COL4A6: variants seen among roughly 807,000 people sequenced by gnomAD.
COL4A6 encodes collagen type IV alpha 6 chain, also known as collagen alpha-6(IV) chain.
Under a neutral mutation model 126.7 loss-of-function variants are expected in COL4A6, and 59 were observed. The ratio of observed to expected loss-of-function variants is 0.47; its 90% CI spans 0.38 to 0.58. COL4A6 has a LOEUF of 0.58. Ranked by LOEUF, COL4A6 falls within the 20% of genes least tolerant of loss-of-function variation. The probability of loss-of-function intolerance (pLI) is 0.00; values close to 1 mark genes in which losing one functional copy is unlikely to be tolerated. For synonymous variants in COL4A6, 547 were observed against 496.6 expected, an observed-to-expected ratio of 1.10 and a Z score of -1.35; for missense variants, 1,285 against 1,337.3, an observed-to-expected ratio of 0.96 and a Z score of 0.61.
intron 18 of COL4A6, 126 bp from the exon 19 acceptor site, chrX:108,191,659 T>C: frequency 1.2e-6 from 1 of 811,761 alleles, no homozygotes; most frequent in Non-Finnish European, 1.7e-6. Context: ...CCTTCTCTTG[T>C]ATCAGAGTTA....
In COL4A6 at chrX:108,165,599, A is replaced by C; in HGVS notation, c.3692-113T>G. 1.3e-5 allele frequency: 6 copies of C among 469,808 alleles called. No individual in the cohort carries two copies. In the South Asian group the frequency reaches 2.6e-4, roughly 21 times the overall value. 38.7% of individuals were successfully genotyped at this position (469,808 alleles called of 1,213,427 possible). ...GAGAAAATGGAAGCAGTTAGGTAGG[A>C]GCCAGACCAGAGAACGCCAGCAGAG... On this transcript the variant is annotated intron_variant, in intron 37 of 44. Transcript: ENST00000334504.
intron 2 of COL4A6, among the ~76,000 whole-genome samples, chrX:108,435,448 A>G (rs2064248740): frequency 8.9e-6 from 1 of 112,179 alleles, no homozygotes; most frequent in African/African-American, 3.2e-5. Context: ...ATTGTCTGAG[A>G]AAGCAAATTC....
chrX:108,359,354 C>G (rs2040030131), intron 2 of COL4A6, among the ~76,000 whole-genome samples: 1 of 112,531 alleles, frequency 8.9e-6, no homozygotes, highest in South Asian at 3.7e-4. Context: ...CTGTCTGACA[C>G]CAAAGTCCTT....
intron 3 of COL4A6, among the ~76,000 whole-genome samples, chrX:108,256,062 A>G (rs374062714): frequency 9.5e-4 from 106 of 111,629 alleles, no homozygotes; most frequent in African/African-American, 3.3e-3. Flanking sequence ...TGAAAAAAGA[A>G]GAATTATATA....
At chrX:108,283,840 G>C (rs1193787742) in intron 3 of COL4A6, among the ~76,000 whole-genome samples, 3 of 111,360 alleles carry the variant, frequency 2.7e-5, no homozygotes, top group African/African-American at 9.8e-5. Flanking sequence ...GAAAAAAAGA[G>C]GGCTTGGGAG....
chrX:108,379,960 G>A (rs1285804090), intron 2 of COL4A6, among the ~76,000 whole-genome samples: 1 of 111,148 alleles, frequency 9.0e-6, no homozygotes, highest in Non-Finnish European at 1.9e-5. Flanking sequence ...GGCTGGACCT[G>A]GTGGTCTGTC....
At position 108,421,185 on chromosome X, in the gene COL4A6, A is replaced by T. The variant is rs983248788; in HGVS notation, c.63+16757T>A. ...TGTCTTTTTGCCATGATCTCTGTCC[A>T]TTAGCAACATCTTGAATACAGAGCT... On this transcript the variant is annotated intron_variant, in intron 2 of 44. Transcript: ENST00000334504. Among the ~76,000 whole-genome samples the T allele has an allele frequency of 2.7e-5, 3 of 111,997 alleles. No homozygotes were observed. The Admixed American group carries it at 2.9e-4, about 11-fold the overall frequency.
intron 2 of COL4A6, among the ~76,000 whole-genome samples, chrX:108,380,777 G>T (rs1297230480): frequency 2.7e-5 from 3 of 111,979 alleles, no homozygotes; most frequent in African/African-American, 9.7e-5. Flanking sequence ...AGAATCAGAA[G>T]CCCAGAGTCA....
chrX:108,175,922 C>A, intron 28 of COL4A6, 125 bp from the exon 29 acceptor site: 1 of 530,622 alleles, frequency 1.9e-6, no homozygotes, highest in Non-Finnish European at 3.1e-6. Context: ...GAATTCAAAC[C>A]CAGGTTTCTC....
chrX:108,186,521 A>G (rs905865243), intron 23 of COL4A6, among the ~76,000 whole-genome samples: 1 of 112,285 alleles, frequency 8.9e-6, no homozygotes, highest in Admixed American at 9.5e-5. Flanking sequence ...AAGATTAGTT[A>G]TTAGCATAGC....
chrX:108,291,711 G>A (rs1390103402), intron 3 of COL4A6, among the ~76,000 whole-genome samples: 2 of 111,984 alleles, frequency 1.8e-5, no homozygotes, highest in Non-Finnish European at 3.8e-5. Context: ...AAAATGCAGA[G>A]AGGATTAGCT....
intron 3 of COL4A6, among the ~76,000 whole-genome samples, chrX:108,282,408 A>G (rs2037865647): frequency 9.0e-6 from 1 of 111,329 alleles, no homozygotes; most frequent in East Asian, 2.8e-4. Flanking sequence ...GCTCTTCATC[A>G]CTGGCCATCA....
Position 108,395,367 on chromosome X carries a change from A to G in COL4A6, c.63+42575T>C, listed in dbSNP as rs564945710. Among the ~76,000 whole-genome samples the G allele has an allele frequency of 5.4e-5, 6 of 112,020 alleles. No individual in the cohort carries two copies. In the East Asian group the frequency reaches 1.7e-3, roughly 31 times the overall value. On this transcript the variant is annotated intron_variant, in intron 2 of 44. Transcript: ENST00000334504. The stretch of plus-strand genomic sequence containing the variant: ...TTCTCTATGACAGCAGATCCTGTGT[A>G]TACCGTGAAATGTGCCCCATCAGCC...
chrX:108,195,085 T>C lies in COL4A6; in HGVS notation c.945A>G (p.Gln315=). 1 of 1,203,677 alleles carries C rather than the reference T, an allele frequency of 8.3e-7. No individual in the cohort carries two copies. The highest frequency in any genetic ancestry group is 1.1e-6 in the Non-Finnish European group (1 of 890,013). The change falls in exon 15 of 45, where the codon CAA becomes CAG. Residue 315 remains glutamine (Q), a synonymous_variant. Coordinates refer to ENST00000334504, the MANE Select transcript of COL4A6 (RefSeq NM_033641.4). ...GSEGVQGPPG[Q]QGKKGTLGFP... ...TTAATGATATTAACCAAAATACCTGTTGCCCTGGAGGGCCTTGGACTCCTT... is the reference window on the plus strand; with the variant it reads ...TTAATGATATTAACCAAAATACCTGCTGCCCTGGAGGGCCTTGGACTCCTT...
intron 2 of COL4A6, among the ~76,000 whole-genome samples, chrX:108,416,081 C>A (rs748990137): frequency 9.0e-6 from 1 of 111,659 alleles, no homozygotes; most frequent in African/African-American, 3.3e-5. Context: ...TATTCTTTCC[C>A]ATTCATCCTC....
intron 2 of COL4A6, among the ~76,000 whole-genome samples, chrX:108,329,488 A>T (rs1829531162): frequency 8.9e-6 from 1 of 112,080 alleles, no homozygotes. Flanking sequence ...GGGAAATATG[A>T]ACATTGTCTG....
intron 3 of COL4A6, among the ~76,000 whole-genome samples, chrX:108,255,334 G>C (rs894140491): frequency 5.5e-5 from 6 of 109,958 alleles, no homozygotes; most frequent in Non-Finnish European, 1.1e-4. Flanking sequence ...ATCTAGAAGA[G>C]TCTGTGTTAG....
chrX:108,345,663 T>C (rs935464585), intron 2 of COL4A6, among the ~76,000 whole-genome samples: 1 of 111,672 alleles, frequency 9.0e-6, no homozygotes, highest in Non-Finnish European at 1.9e-5. Context: ...GTGGGGCTAA[T>C]GCAAATTTTG....
intron 20 of COL4A6, 36 bp from the exon 21 acceptor site, chrX:108,188,713 A>AT (rs1282743972): frequency 4.7e-6 from 5 of 1,073,028 alleles, no homozygotes; most frequent in South Asian, 5.6e-5. Flanking sequence ...GAAGTGGGTC[A>AT]TTTTTTTCCA....
Sources: allele counts gnomAD v4.1 joint callset (sites outside exome capture counted in the v4.1 genomes callset), GRCh38; gene constraint gnomAD v4.1.1; transcripts MANE v1.5; gene names NCBI Gene and HGNC (gene_info 2026-07-23, HGNC 2026-07-21).